KMT2A: variants seen among roughly 807,000 people sequenced by gnomAD.
KMT2A encodes the protein histone-lysine N-methyltransferase 2A.
Under a neutral mutation model 345.3 loss-of-function variants are expected in KMT2A, and 16 were observed. That is an observed-to-expected ratio of 0.05 (90% confidence interval 0.03 to 0.07). KMT2A has a LOEUF of 0.07. KMT2A is among the 10% of genes least tolerant of loss of function. KMT2A has a pLI of 1.00. For missense variants in KMT2A, 3,272 were observed against 4,841.6 expected (o/e 0.68, Z 9.62); for synonymous variants, 1,599 against 1,778.6 (o/e 0.90, Z 2.54).
At chr11:118,460,041 T>C (rs1591362281) in intron 1 of KMT2A, among the ~76,000 whole-genome samples, 1 of 152,094 alleles carries the variant, frequency 6.6e-6, no homozygotes, top group East Asian at 1.9e-4. Context: ...TGCATTTTAG[T>C]TGGGGATAGG....
rs781955604 is a variant in KMT2A, at chr11:118,472,602, C to T, written c.1443C>T (p.Ser481=). The change falls in exon 3 of 36, where the codon AGC becomes AGT. Residue 481 remains serine, a synonymous_variant. Coordinates refer to ENST00000534358, the MANE Select transcript of KMT2A (RefSeq NM_001197104.2). ...QMSSDSSRSS[S]PSVDTSTDSQ... is the part of the protein sequence containing the mutation. Reference sequence around the variant, plus strand: ...CTTCAGACTCCTCTCGATCTAGTAGCCCCAGTGTTGATACCTCCACAGACT... The same window carrying T: ...CTTCAGACTCCTCTCGATCTAGTAGTCCCAGTGTTGATACCTCCACAGACT... 67 of 1,611,546 alleles carry T rather than the reference C, an allele frequency of 4.2e-5. 1 individual carries two copies. In the Middle Eastern group the frequency reaches 4.9e-4, roughly 12 times the overall value.
chr11:118,445,321 C>T (rs1949396207), intron 1 of KMT2A, among the ~76,000 whole-genome samples: 1 of 152,102 alleles, frequency 6.6e-6, no homozygotes, highest in African/African-American at 2.4e-5. Context: ...AAGTAAGATA[C>T]CGAGGAACAC....
At chr11:118,452,694 C>T (rs782674872) in intron 1 of KMT2A, among the ~76,000 whole-genome samples, 3 of 148,834 alleles carry the variant, frequency 2.0e-5, no homozygotes, top group Non-Finnish European at 4.4e-5. Flanking sequence ...AGTGCAGTGG[C>T]GCCATCTCGG....
Position 118,472,766 on chromosome 11 carries a change from G to A in KMT2A, c.1607G>A (p.Arg536Lys). The change falls in exon 3 of 36, where the codon AGA becomes AAA. Residue 536 changes from arginine to lysine, a missense_variant. Transcript: ENST00000534358. ...AGCAGAAGGTATTCAGTGTCGGAGA[G>A]AAGTTTTGGATCTAGAACGACGAAA... Reference protein sequence around the residue: ...RRSRRYSVSERSFGSRTTKKL... With the variant: ...RRSRRYSVSEKSFGSRTTKKL... 1 of 1,613,744 alleles carries A rather than the reference G, an allele frequency of 6.2e-7. No individual in the cohort carries two copies. Among genetic ancestry groups the A allele is most frequent in the Non-Finnish European group, 8.5e-7 (1 of 1,179,970 alleles).
chr11:118,504,406 T>C lies in KMT2A; in HGVS notation c.8514T>C (p.Asn2838=), dbSNP rs1555047250. Residue 2838 remains asparagine (N), a synonymous_variant, in exon 27 of 36, where the codon AAT becomes AAC. Coordinates refer to ENST00000534358, the MANE Select transcript of KMT2A (RefSeq NM_001197104.2). The surrounding 1 kb of genome is among the most constrained non-coding windows in gnomAD (Gnocchi z 6.4). ...AGCTCCTGAAATCAGATTCAGACAA[T>C]AACAACAGTGATGACTGTGGGAATA... ...NTELLKSDSD[N]NNSDDCGNIL... is the part of the protein sequence containing the mutation. 6.2e-7 allele frequency: 1 copy of C among 1,614,060 alleles called. No individual in the cohort carries two copies. The highest frequency in any genetic ancestry group is 8.5e-7 in the Non-Finnish European group (1 of 1,179,990).
rs1317502197 is a variant in KMT2A at position 118,519,365 on chromosome 11, T to C, written c.11147-253T>C. ...ATTAGCATATAGCATTTCTGTGTAA[T>C]AAAGCAAAATAGTCCATAGTTTGGT... is the stretch of plus-strand genomic sequence containing the variant. On this transcript the variant is annotated intron_variant, in intron 31 of 35. Transcript: ENST00000534358. 4 of 416,066 alleles carry C rather than the reference T, an allele frequency of 9.6e-6. No homozygotes were observed. The Admixed American group carries it at 1.4e-4, about 15-fold the overall frequency. The allele number at this position is 416,066 out of a possible 1,614,324, so 25.8% of individuals were successfully genotyped here.
chr11:118,523,296 T>C lies in KMT2A; in HGVS notation c.*1124T>C, dbSNP rs1951011623. 4.4e-6 allele frequency: 1 copy of C among 229,430 alleles called. No homozygotes were observed. Among genetic ancestry groups the C allele is most frequent in the African/African-American group, 2.2e-5 (1 of 45,076 alleles). 14.2% of individuals were successfully genotyped at this position (229,430 alleles called of 1,614,324 possible). A position where few individuals can be genotyped will look rare whatever the true frequency, so the allele number is the denominator to read the frequency against. On this transcript the variant is annotated 3_prime_UTR_variant, in exon 36 of 36. Coordinates refer to ENST00000534358, the MANE Select transcript of KMT2A (RefSeq NM_001197104.2). ...AGACTTAATTTTTAAACGGTCAGTG[T>C]CCAGTTGAAGGCAGAACACTAATCA...
intron 1 of KMT2A, among the ~76,000 whole-genome samples, chr11:118,439,751 A>G (rs1949275814): frequency 6.6e-6 from 1 of 152,156 alleles, no homozygotes; most frequent in African/African-American, 2.4e-5. Flanking sequence ...TTATGAGAAG[A>G]GTGGTTGACT....
At chr11:118,469,056 A>G (rs1949899283) in intron 2 of KMT2A, among the ~76,000 whole-genome samples, 1 of 152,108 alleles carries the variant, frequency 6.6e-6, no homozygotes, top group Non-Finnish European at 1.5e-5. Flanking sequence ...TTAGTTACAT[A>G]TGTATACATG....
intron 1 of KMT2A, among the ~76,000 whole-genome samples, chr11:118,462,979 T>C (rs2134234178): frequency 6.6e-6 from 1 of 152,376 alleles, no homozygotes; most frequent in East Asian, 1.9e-4. Flanking sequence ...TTAAACTGCC[T>C]GACAGCTCAG....
In KMT2A at chr11:118,510,020, A is replaced by T. The variant is rs781955393; in HGVS notation, c.10973A>T (p.Lys3658Met). The T allele has an allele frequency of 6.2e-6, 10 of 1,613,980 alleles. No individual in the cohort carries two copies. Among genetic ancestry groups the T allele is most frequent in the Non-Finnish European group, 8.5e-6 (10 of 1,179,912 alleles). The part of the protein sequence containing the change: ...PLMLWLQQEQ[K>M]RKESITEKKP... ...ATGCTTTGGCTTCAGCAAGAACAAAAGCGGAAGGAAAGCATTACTGAGAAA... is the reference window on the plus strand; with the variant it reads ...ATGCTTTGGCTTCAGCAAGAACAAATGCGGAAGGAAAGCATTACTGAGAAA... Residue 3658 changes from lysine to methionine, a missense_variant, in exon 30 of 36, where the codon AAG becomes ATG. By Grantham distance (95) the Lys-to-Met change is moderately conservative. Around this residue, in one of 27 missense-constraint regions of KMT2A, gnomAD observed 748 missense variants for 922.2 expected, o/e 0.81. Transcript: ENST00000534358. This position sits in a 1 kb window ranked among gnomAD's most constrained non-coding sequence, Gnocchi z 4.1.
chr11:118,503,399 G>C lies in KMT2A; in HGVS notation c.7507G>C (p.Ala2503Pro), dbSNP rs956195571. 1 of 1,614,064 alleles carries C rather than the reference G, an allele frequency of 6.2e-7. No individual in the cohort carries two copies. The highest frequency in any genetic ancestry group is 8.5e-7 in the Non-Finnish European group (1 of 1,180,006). ...CCTTTCTATGCCAGGAGTCCCCAAA[G>C]CTCCACCCATGCAAGTAGAAGGATC... ...KGLSMPGVPK[A>P]PPMQVEGSAK... Residue 2503 changes from alanine to proline, a missense_variant, in exon 27 of 36, where the codon GCT (alanine) becomes CCT (proline). Around this residue, in one of 27 missense-constraint regions of KMT2A, gnomAD observed 445 missense variants for 500.9 expected, o/e 0.89. Transcript: ENST00000534358. The surrounding 1 kb of genome is among the most constrained non-coding windows in gnomAD (Gnocchi z 5.3).
intron 2 of KMT2A, 143 bp from the exon 3 acceptor site, chr11:118,471,519 G>A: frequency 2.2e-6 from 1 of 451,846 alleles, no homozygotes; most frequent in Non-Finnish European, 3.8e-6. Flanking sequence ...AAGAAACTAA[G>A]CACAATTAAG....
chr11:118,449,358 GAC>G (rs1392203560), intron 1 of KMT2A: 2 of 151,712 alleles, frequency 1.3e-5, no homozygotes, highest in Non-Finnish European at 2.9e-5. Context: ...AGGAGTTCAA[GAC>G]TAGCCTGGGC....
intron 5 of KMT2A, among the ~76,000 whole-genome samples, chr11:118,478,622 C>G (rs1256871267): frequency 1.3e-5 from 2 of 152,184 alleles, no homozygotes; most frequent in Non-Finnish European, 1.5e-5. Flanking sequence ...AACCTGACAA[C>G]TTTATGTATA....
rs782269735 is a variant in KMT2A, at chr11:118,504,409, C to T, written c.8517C>T (p.Asn2839=). ...TCCTGAAATCAGATTCAGACAATAA[C>T]AACAGTGATGACTGTGGGAATATCC... The part of the protein sequence containing the change: ...TELLKSDSDN[N]NSDDCGNILP... Residue 2839 remains asparagine (N), a synonymous_variant, in exon 27 of 36, where the codon AAC becomes AAT. Transcript: ENST00000534358. This position sits in a 1 kb window ranked among gnomAD's most constrained non-coding sequence, Gnocchi z 6.4. 6.2e-7 allele frequency: 1 copy of T among 1,614,080 alleles called. No homozygotes were observed. The highest frequency in any genetic ancestry group is 1.1e-5 in the South Asian group (1 of 91,078).
At chr11:118,481,668 A>C in intron 6 of KMT2A, 47 bp from the exon 7 acceptor site, 5 of 1,540,516 alleles carry the variant, frequency 3.2e-6, no homozygotes, top group Non-Finnish European at 4.4e-6. Flanking sequence ...TTTTAAATAA[A>C]ATTATTCTCA....
In KMT2A at chr11:118,477,610, C is replaced by T. The variant is rs56156715; in HGVS notation, c.3335-357C>T. Among the ~76,000 whole-genome samples, 398 of 134,770 alleles carry T rather than the reference C, an allele frequency of 3.0e-3. 1 individual carries two copies. The highest frequency in any genetic ancestry group is 0.01 in the African/African-American group (382 of 36,582). The allele number at this position is 134,770 out of a possible 152,430, so 88.4% of individuals were successfully genotyped here. A position where few individuals can be genotyped will look rare whatever the true frequency, so the allele number is the denominator to read the frequency against. On this transcript the variant is annotated intron_variant, in intron 4 of 35. Coordinates refer to ENST00000534358, the MANE Select transcript of KMT2A (RefSeq NM_001197104.2). ...ACAGCCTCCACTTCCCAGGTTCAAGCGATTCTCCTGCCTCAGCCTCCTGAG... is the reference window on the plus strand; with the variant it reads ...ACAGCCTCCACTTCCCAGGTTCAAGTGATTCTCCTGCCTCAGCCTCCTGAG...
chr11:118,522,317 A>G lies in KMT2A; in HGVS notation c.*145A>G. The G allele has an allele frequency of 1.4e-6, 1 of 696,422 alleles. No individual in the cohort carries two copies. The highest frequency in any genetic ancestry group is 2.8e-5 in the Admixed American group (1 of 35,892). The allele number at this position is 696,422 out of a possible 1,614,324, so 43.1% of individuals were successfully genotyped here. A position where few individuals can be genotyped will look rare whatever the true frequency, so the allele number is the denominator to read the frequency against. On this transcript the variant is annotated 3_prime_UTR_variant, in exon 36 of 36. Transcript: ENST00000534358. The surrounding 1 kb of genome is among the most constrained non-coding windows in gnomAD (Gnocchi z 5.4). The stretch of plus-strand genomic sequence containing the variant: ...TGATGGCTGAGCTCTCTTATGTCCT[A>G]TACTCACATCAGACATGTGATCATA...
Sources: gnomAD v4.1 joint callset for allele counts (sites outside exome capture counted in the v4.1 genomes callset) on GRCh38, gnomAD v4.1.1 for gene constraint, gnomAD v4.1.1 regional missense constraint, Gnocchi (gnomAD v3.1) non-coding constraint, MANE v1.5 for transcripts, NCBI Gene and HGNC (gene_info 2026-07-23, HGNC 2026-07-21) for gene names.